Variants in SRGAP3 observed in about 807,000 individuals in gnomAD.
SRGAP3 encodes the protein SLIT-ROBO Rho GTPase activating protein 3.
SRGAP3 carries 39 observed loss-of-function variants against 121.1 expected under a neutral mutation model. The ratio of observed to expected loss-of-function variants is 0.32; its 90% CI spans 0.25 to 0.42. SRGAP3 has a LOEUF of 0.42. Ranked by LOEUF, SRGAP3 falls within the 10% of genes least tolerant of loss-of-function variation. The pLI is 1.00. For missense variants in SRGAP3, 1,213 were observed against 1,470.6 expected (o/e 0.82, Z 2.86); for synonymous variants, 601 against 570.0 (o/e 1.05, Z -0.77).
At chr3:9,063,653 T>G (rs1271243328) in intron 5 of SRGAP3, among the ~76,000 whole-genome samples, 1 of 152,214 alleles carries the variant, frequency 6.6e-6, no homozygotes, top group East Asian at 1.9e-4. Context: ...AGCACTGTTT[T>G]TAACTAAATC....
intron 3 of SRGAP3, among the ~76,000 whole-genome samples, chr3:9,321,570 G>A (rs1414008876): frequency 1.3e-5 from 2 of 151,944 alleles, no homozygotes; most frequent in African/African-American, 2.4e-5. Flanking sequence ...GACAGCAGTC[G>A]GGTTTGTCAT....
In SRGAP3 at chr3:9,174,193, G is replaced by C. The variant is rs547201742; in HGVS notation, c.68-49276C>G. Among the ~76,000 whole-genome samples the C allele has an allele frequency of 9.2e-5, 14 of 152,324 alleles. No individual in the cohort carries two copies. In the East Asian group the frequency reaches 2.7e-3, roughly 29 times the overall value. ...ACAGACAGGGACTAGAGGAAGGAGG[G>C]AATGAGGAGTTATTGTTTAGTTTGT... On this transcript the variant is annotated intron_variant, in intron 1 of 21. Transcript: ENST00000383836.
intron 18 of SRGAP3, among the ~76,000 whole-genome samples, chr3:9,005,744 A>G (rs993374947): frequency 4.6e-5 from 7 of 152,154 alleles, no homozygotes; most frequent in African/African-American, 1.7e-4. Context: ...AGTTGCATTG[A>G]CTAGGGCTGG....
intron 13 of SRGAP3, among the ~76,000 whole-genome samples, chr3:9,025,907 A>G (rs1268141757): frequency 1.3e-5 from 2 of 152,186 alleles, no homozygotes; most frequent in Non-Finnish European, 2.9e-5. Flanking sequence ...TCCACATTAT[A>G]ATTTAGGAAG....
intron 10 of SRGAP3, among the ~76,000 whole-genome samples, chr3:9,041,552 C>T (rs1356933082): frequency 6.6e-6 from 1 of 152,226 alleles, no homozygotes. Flanking sequence ...TTGGACAAGC[C>T]ACTTCCTTTC....
In SRGAP3 at chr3:9,228,268, G is replaced by A. The variant is rs543461203; in HGVS notation, c.67+20617C>T. 2.0e-5 allele frequency among the ~76,000 whole-genome samples: 3 copies of A among 152,270 alleles called. No homozygotes were observed. In the South Asian group the frequency reaches 6.2e-4, roughly 32 times the overall value. ...GCCGCCAGTCAGCTCTGGCTGATTG[G>A]TTACTGCATGAGAACAGGCACCCAG... On this transcript the variant is annotated intron_variant, in intron 1 of 21. Coordinates refer to ENST00000383836, the MANE Select transcript of SRGAP3 (RefSeq NM_014850.4).
intron 18 of SRGAP3, among the ~76,000 whole-genome samples, chr3:8,997,520 T>C (rs1942478253): frequency 6.6e-6 from 1 of 152,196 alleles, no homozygotes; most frequent in South Asian, 2.1e-4. Context: ...AATCCCAGTG[T>C]CTTCCCACTG....
At chr3:9,097,685 G>C (rs1000629094) in intron 3 of SRGAP3, among the ~76,000 whole-genome samples, 1 of 152,216 alleles carries the variant, frequency 6.6e-6, no homozygotes, top group Non-Finnish European at 1.5e-5. Context: ...CCAGCTGCAG[G>C]AAAGTGCTGC....
intron 1 of SRGAP3, among the ~76,000 whole-genome samples, chr3:9,200,505 T>A (rs1205375052): frequency 6.6e-6 from 1 of 152,094 alleles, no homozygotes; most frequent in Admixed American, 6.5e-5. Flanking sequence ...CTGCAAAATG[T>A]TATGGAAGCA....
chr3:9,102,342 C>T (rs886347130), intron 3 of SRGAP3, among the ~76,000 whole-genome samples: 1 of 152,164 alleles, frequency 6.6e-6, no homozygotes, highest in Non-Finnish European at 1.5e-5. Context: ...CAGTGATAGG[C>T]AGTTCTGAGA....
chr3:9,125,131 A>G (rs1949174675), intron 1 of SRGAP3, among the ~76,000 whole-genome samples: 1 of 152,148 alleles, frequency 6.6e-6, no homozygotes, highest in African/African-American at 2.4e-5. Flanking sequence ...TCTAACCAAA[A>G]GTTTCCAAAA....
At chr3:9,051,176 A>C (rs1328999456) in intron 9 of SRGAP3, among the ~76,000 whole-genome samples, 1 of 151,820 alleles carries the variant, frequency 6.6e-6, no homozygotes. Flanking sequence ...ATAGATATGC[A>C]CTTGTATTTT....
chr3:8,987,466 G>A (rs1245224326), intron 21 of SRGAP3, among the ~76,000 whole-genome samples: 1 of 152,234 alleles, frequency 6.6e-6, no homozygotes, highest in African/African-American at 2.4e-5. Context: ...AGATGGTGGG[G>A]TTGGAGCCTG....
chr3:9,091,822 G>C (rs1363820278), intron 3 of SRGAP3, among the ~76,000 whole-genome samples: 1 of 151,966 alleles, frequency 6.6e-6, no homozygotes, highest in Non-Finnish European at 1.5e-5. Context: ...CTTCCCCTCT[G>C]CCTCCCATTT....
At chr3:9,299,051 C>CA (rs71049787) in intron 3 of SRGAP3, among the ~76,000 whole-genome samples, 18,824 of 70,042 alleles carry the variant, frequency 0.27, 2,682 homozygotes, top group East Asian at 0.74. Flanking sequence ...GACTCCATCT[C>CA]AAAAAAAAAA....
intron 3 of SRGAP3, among the ~76,000 whole-genome samples, chr3:9,324,828 G>A (rs1254973148): frequency 6.6e-6 from 1 of 151,668 alleles, no homozygotes; most frequent in Non-Finnish European, 1.5e-5. Flanking sequence ...GAGGTGGCAG[G>A]CACCTGTAGT....
At chr3:9,054,046 C>T (rs1212376486) in intron 8 of SRGAP3, among the ~76,000 whole-genome samples, 1 of 152,214 alleles carries the variant, frequency 6.6e-6, no homozygotes, top group East Asian at 1.9e-4. Flanking sequence ...CCCCCGATAT[C>T]TTCACTCAGT....
intron 3 of SRGAP3, among the ~76,000 whole-genome samples, chr3:9,299,990 G>C (rs906121765): frequency 1.3e-5 from 2 of 151,562 alleles, no homozygotes; most frequent in East Asian, 3.9e-4. Context: ...ACTTTGGCAT[G>C]TTACTTCATC....
chr3:9,241,054 G>A (rs562261101), intron 1 of SRGAP3, among the ~76,000 whole-genome samples: 83 of 152,212 alleles, frequency 5.5e-4, no homozygotes, highest in African/African-American at 1.9e-3. Flanking sequence ...CGTGCACCCC[G>A]GAAAGTGAGG....
Sources: allele counts gnomAD v4.1 joint callset (sites outside exome capture counted in the v4.1 genomes callset), GRCh38; gene constraint gnomAD v4.1.1; transcripts MANE v1.5; gene names NCBI Gene and HGNC (gene_info 2026-07-23, HGNC 2026-07-21).